Variants in POLG2 observed in about 807,000 individuals in gnomAD.
The protein encoded by POLG2 is DNA polymerase subunit gamma-2.
POLG2 carries 50 observed loss-of-function variants against 56.5 expected under a neutral mutation model. The observed-to-expected ratio is 0.88, with a 90% CI of 0.71 to 1.12. The LOEUF is 1.12. Among genes scored for constraint, POLG2 ranks in the 50% most tolerant of loss-of-function variants. The probability of loss-of-function intolerance (pLI) is 0.00; values close to 1 mark genes in which losing one functional copy is unlikely to be tolerated. For missense variants in POLG2, 584 were observed against 583.3 expected (o/e 1.00, Z -0.01); for synonymous variants, 226 against 222.6 (o/e 1.02, Z -0.14).
chr17:64,479,269 C>T (rs1482104578), intron 7 of POLG2, among the ~76,000 whole-genome samples: 3 of 151,292 alleles, frequency 2.0e-5, no homozygotes, highest in Admixed American at 6.6e-5. Flanking sequence ...CTGCAACCTC[C>T]GCCTCCTGGG....
rs1568093433 is a variant in POLG2 at position 64,496,525 on chromosome 17, AACTAACCTG to A, written c.435_443del (p.Arg146_Val148del). ...AGATTTCGCGTAGAGTTTCTGCAGA[AACTAACCTG>A]AAGGCACTGTCCCCGGGTAGCAAAG... On this transcript the variant is annotated inframe_deletion, in exon 1 of 8. Coordinates refer to ENST00000539111, the MANE Select transcript of POLG2 (RefSeq NM_007215.4). 2 of 1,613,644 alleles carry A rather than the reference AACTAACCTG, an allele frequency of 1.2e-6. No homozygotes were observed.
chr17:64,477,974 C>G lies in POLG2; in HGVS notation c.1307G>C (p.Ser436Thr). The G allele has an allele frequency of 6.2e-7, 1 of 1,613,756 alleles. No homozygotes were observed. Residue 436 changes from serine to threonine, a missense_variant, in exon 8 of 8, where the codon AGT becomes ACT. Transcript: ENST00000539111. ...EQLYSKYDEM[S>T]ILFTVLVTET... ...AGTAACCAAAACTGTGAAGAGAATACTCATTTCATCATACCTAAGAAAAAA... is the reference window on the plus strand; with the variant it reads ...AGTAACCAAAACTGTGAAGAGAATAGTCATTTCATCATACCTAAGAAAAAA...
intron 1 of POLG2, 102 bp from the exon 2 acceptor site, chr17:64,493,123 A>G: frequency 7.7e-7 from 1 of 1,290,418 alleles, no homozygotes; most frequent in Non-Finnish European, 1.1e-6. Context: ...AACACAGCAT[A>G]AAGACAGATG....
At chr17:64,484,669 G>A (rs1555667118) in intron 5 of POLG2, among the ~76,000 whole-genome samples, 1 of 152,150 alleles carries the variant, frequency 6.6e-6, no homozygotes, top group Non-Finnish European at 1.5e-5. Context: ...CTGATGGTTT[G>A]GAAGTGGAGT....
intron 1 of POLG2, among the ~76,000 whole-genome samples, chr17:64,495,677 T>C (rs1158585766): frequency 2.0e-5 from 3 of 152,238 alleles, no homozygotes; most frequent in Admixed American, 6.5e-5. Flanking sequence ...ACAATGAATA[T>C]CTTGGTTCCT....
At chr17:64,482,560 C>T (rs1046987973) in intron 6 of POLG2, among the ~76,000 whole-genome samples, 90 of 152,304 alleles carry the variant, frequency 5.9e-4, no homozygotes, top group Non-Finnish European at 8.5e-4. Flanking sequence ...CCTCGTGATC[C>T]ACCCGCTTTG....
intron 3 of POLG2, chr17:64,491,504 T>C (rs2144190685): frequency 1.4e-6 from 2 of 1,451,648 alleles, no homozygotes; most frequent in South Asian, 1.1e-5. Flanking sequence ...AGTGAGACTA[T>C]GTCTCTAAAA....
At position 64,480,334 on chromosome 17, in the gene POLG2, C is replaced by G. The variant is rs17850455; in HGVS notation, c.1247G>C (p.Gly416Ala). The change falls in exon 7 of 8, where the codon GGT becomes GCT. Residue 416 changes from glycine (G) to alanine (A), a missense_variant. Transcript: ENST00000539111. Reference protein sequence around the residue: ...LLENGISVWPGYLETMQSSLE... With the variant: ...LLENGISVWPAYLETMQSSLE... ...TGAGGACTGCATAGTTTCCAAATAACCAGGCCACACAGAAATCCCATTTTC... is the reference window on the plus strand; with the variant it reads ...TGAGGACTGCATAGTTTCCAAATAAGCAGGCCACACAGAAATCCCATTTTC... 19,579 of 1,601,138 alleles carry G rather than the reference C, an allele frequency of 0.012. 161 individuals are homozygous for G. The highest frequency in any genetic ancestry group is 0.014 in the Non-Finnish European group (16,302 of 1,169,480).
Position 64,477,883 on chromosome 17 carries a change from C to T in POLG2, c.1398G>A (p.Met466Ile), listed in dbSNP as rs781881341. 6.2e-7 allele frequency: 1 copy of T among 1,613,282 alleles called. No homozygotes were observed. Among genetic ancestry groups the T allele is most frequent in the Non-Finnish European group, 8.5e-7 (1 of 1,179,722 alleles). Residue 466 changes from methionine to isoleucine, a missense_variant, in exon 8 of 8, where the codon ATG becomes ATA. Coordinates refer to ENST00000539111, the MANE Select transcript of POLG2 (RefSeq NM_007215.4). ...RSRDTTMKEMMHISKLKDFLI... is the reference protein window; with the variant it reads ...RSRDTTMKEMIHISKLKDFLI... Reference sequence around the variant, plus strand: ...AAAAGTCTTTTAATTTGGATATATGCATCATTTCCTTCATTGTGGTGTCTC... The same window carrying T: ...AAAAGTCTTTTAATTTGGATATATGTATCATTTCCTTCATTGTGGTGTCTC...
At position 64,496,678 on chromosome 17, in the gene POLG2, G is replaced by C; in HGVS notation, c.291C>G (p.Pro97=). Residue 97 remains proline, a synonymous_variant, in exon 1 of 8, where the codon CCC becomes CCG. Coordinates refer to ENST00000539111, the MANE Select transcript of POLG2 (RefSeq NM_007215.4). ...ACTCTACGCCCAAGGGTCCGAAGCCGGGGTGGCACCCACTCAGAAGAGAAT... is the reference window on the plus strand; with the variant it reads ...ACTCTACGCCCAAGGGTCCGAAGCCCGGGTGGCACCCACTCAGAAGAGAAT... The part of the protein sequence containing the change: ...SRDSLLSGCH[P]GFGPLGVELR... 6.2e-7 allele frequency: 1 copy of C among 1,613,990 alleles called. No homozygotes were observed. Among genetic ancestry groups the C allele is most frequent in the Non-Finnish European group, 8.5e-7 (1 of 1,180,008 alleles).
Position 64,481,138 on chromosome 17 carries a change from C to T in POLG2, c.1192-749G>A, listed in dbSNP as rs1273586305. On this transcript the variant is annotated intron_variant, in intron 6 of 7. Transcript: ENST00000539111. ...TCCAGGAGAGGCCTGCAGCACCCTC[C>T]CACTCTTAGGACAACCACAAATCTC... 5 of 360,722 alleles carry T rather than the reference C, an allele frequency of 1.4e-5. No homozygotes were observed. In the East Asian group the frequency reaches 6.6e-4, roughly 47 times the overall value. 22.3% of individuals were successfully genotyped at this position (360,722 alleles called of 1,614,324 possible). A position where few individuals can be genotyped will look rare whatever the true frequency, so the allele number is the denominator to read the frequency against.
chr17:64,492,650 G>A lies in POLG2; in HGVS notation c.795+17C>T, dbSNP rs1555668715. 4 of 1,445,334 alleles carry A rather than the reference G, an allele frequency of 2.8e-6. No individual in the cohort carries two copies. Among genetic ancestry groups the A allele is most frequent in the African/African-American group, 2.8e-5 (2 of 71,540 alleles). 89.5% of individuals were successfully genotyped at this position (1,445,334 alleles called of 1,614,324 possible). On this transcript the variant is annotated intron_variant, in intron 3 of 7. Transcript: ENST00000539111. ...TTTATGTATTAACTATTAAATTAAA[G>A]GTAATTATTGCAGTACCTTTCTCCA...
At chr17:64,482,562 C>T (rs1453680899) in intron 6 of POLG2, among the ~76,000 whole-genome samples, 3 of 152,192 alleles carry the variant, frequency 2.0e-5, no homozygotes, top group African/African-American at 7.2e-5. Context: ...TCGTGATCCA[C>T]CCGCTTTGGC....
In POLG2 at chr17:64,485,595, T is replaced by C. The variant is rs1421020306; in HGVS notation, c.1110+133A>G. 1.4e-5 allele frequency: 11 copies of C among 768,700 alleles called. No individual in the cohort carries two copies. The East Asian group carries it at 2.8e-4, about 20-fold the overall frequency. The allele number at this position is 768,700 out of a possible 1,614,324, so 47.6% of individuals were successfully genotyped here. A position where few individuals can be genotyped will look rare whatever the true frequency, so the allele number is the denominator to read the frequency against. On this transcript the variant is annotated intron_variant, in intron 5 of 7. Transcript: ENST00000539111. ...TCCTGTGGCCAGATTCTAAAAAAAC[T>C]GAAAAATACTTAGACTACATGCACT...
intron 7 of POLG2, among the ~76,000 whole-genome samples, chr17:64,479,242 G>A (rs2037818214): frequency 6.8e-6 from 1 of 147,388 alleles, no homozygotes; most frequent in African/African-American, 2.5e-5. Flanking sequence ...GGAGTGCAGT[G>A]GCTTGATCTC....
rs2037837549 is a variant in POLG2, at chr17:64,480,377, G to C, written c.1204C>G (p.Leu402Val). Reference protein sequence around the residue: ...TLELRQVCQGLFNELLENGIS... With the variant: ...TLELRQVCQGVFNELLENGIS... The stretch of plus-strand genomic sequence containing the variant: ...CCATTTTCTAGTAACTCATTAAATA[G>C]CCCTTGACAAACCTAGAAAGAAATA... The change falls in exon 7 of 8, where the codon CTA becomes GTA. Residue 402 changes from leucine to valine, a missense_variant. Leu to Val is a conservative substitution (Grantham distance 32, BLOSUM62 1). Transcript: ENST00000539111. 1 of 1,557,156 alleles carries C rather than the reference G, an allele frequency of 6.4e-7. No homozygotes were observed. Among genetic ancestry groups the C allele is most frequent in the African/African-American group, 1.4e-5 (1 of 73,712 alleles).
rs782260183 is a variant in POLG2, at chr17:64,492,935, G to A, written c.649C>T (p.Pro217Ser). ...GLAQIGVCFH[P>S]VFDTKQIRNG... ...CGTATCTGCTTAGTGTCAAAAACAG[G>A]ATGAAAACACACTCCAATCTGAGCA... Residue 217 changes from proline (P) to serine (S), a missense_variant, in exon 2 of 8, where the codon CCT (proline) becomes TCT (serine). Transcript: ENST00000539111. The A allele has an allele frequency of 6.8e-6, 11 of 1,613,856 alleles. No homozygotes were observed. Among genetic ancestry groups the A allele is most frequent in the Non-Finnish European group, 9.3e-6 (11 of 1,179,952 alleles).
At chr17:64,495,573 A>G (rs1555669357) in intron 1 of POLG2, among the ~76,000 whole-genome samples, 1 of 152,184 alleles carries the variant, frequency 6.6e-6, no homozygotes, top group Non-Finnish European at 1.5e-5. Flanking sequence ...TGAGACCCAT[A>G]TTCAATTTTA....
At position 64,496,508 on chromosome 17, in the gene POLG2, C is replaced by A. The variant is rs200221112; in HGVS notation, c.461G>T (p.Arg154Leu). Reference sequence around the variant, plus strand: ...CAGCTCTTTGTCTTGCAAGATTTCGCGTAGAGTTTCTGCAGAAACTAACCT... The same window carrying A: ...CAGCTCTTTGTCTTGCAAGATTTCGAGTAGAGTTTCTGCAGAAACTAACCT... ...AFRLVSAETL[R>L]EILQDKELSK... The change falls in exon 1 of 8, where the codon CGC becomes CTC. Residue 154 changes from arginine to leucine, a missense_variant. Coordinates refer to ENST00000539111, the MANE Select transcript of POLG2 (RefSeq NM_007215.4). 7.5e-5 allele frequency: 121 copies of A among 1,613,110 alleles called. No individual in the cohort carries two copies. The highest frequency in any genetic ancestry group is 5.1e-6 in the Non-Finnish European group (6 of 1,179,250).
Sources: gnomAD v4.1 joint callset for allele counts (sites outside exome capture counted in the v4.1 genomes callset) on GRCh38, gnomAD v4.1.1 for gene constraint, MANE v1.5 for transcripts, NCBI Gene and HGNC (gene_info 2026-07-23, HGNC 2026-07-21) for gene names.